IGSF10: variants seen among roughly 807,000 people sequenced by gnomAD.
IGSF10 encodes the protein immunoglobulin superfamily member 10.
IGSF10 carries 126 observed loss-of-function variants against 128.2 expected under a neutral mutation model. The ratio of observed to expected loss-of-function variants is 0.98; its 90% CI spans 0.85 to 1.14. IGSF10 has a LOEUF of 1.14. IGSF10 is among the 50% of genes most tolerant of loss of function. The pLI is 0.00. For synonymous variants in IGSF10, 1,185 were observed against 1,146.2 expected (o/e 1.03, Z -0.68); for missense variants, 3,295 against 3,149.8 (o/e 1.05, Z -1.10).
At chr3:151,525,267 C>T in the IGSF10 span, among the ~76,000 whole-genome samples, 1 of 151,708 alleles carries the variant, frequency 6.6e-6, no homozygotes, top group African/African-American at 2.4e-5. Context: ...GAGTAGTTTA[C>T]GGAAGTACAA....
the IGSF10 span, among the ~76,000 whole-genome samples, chr3:151,560,562 C>G: frequency 1.4e-4 from 22 of 152,066 alleles, no homozygotes; most frequent in African/African-American, 5.3e-4. Flanking sequence ...TTTTCCCACC[C>G]CTATAACGTC....
At chr3:151,510,015 G>T in the IGSF10 span, among the ~76,000 whole-genome samples, 1 of 152,214 alleles carries the variant, frequency 6.6e-6, no homozygotes, top group Non-Finnish European at 1.5e-5. Flanking sequence ...AGCTCAAGGA[G>T]GCCTGCCTGC....
At chr3:151,497,207 T>C in the IGSF10 span, among the ~76,000 whole-genome samples, 1 of 152,226 alleles carries the variant, frequency 6.6e-6, no homozygotes, top group Non-Finnish European at 1.5e-5. Flanking sequence ...ATTTTGGCTT[T>C]TGTTGCCATT....
chr3:151,461,219 A>T (rs926894533), upstream of IGSF10: 6 of 985,272 alleles, frequency 6.1e-6, no homozygotes, highest in Non-Finnish European at 7.2e-6. Flanking sequence ...TTAAATTCCC[A>T]GGGCTTTCTC....
At chr3:151,506,866 G>A in the IGSF10 span, among the ~76,000 whole-genome samples, 1 of 152,212 alleles carries the variant, frequency 6.6e-6, no homozygotes, top group Non-Finnish European at 1.5e-5. Context: ...AACGTTCTTT[G>A]TGAGAGCTAT....
the IGSF10 span, among the ~76,000 whole-genome samples, chr3:151,528,031 G>A: frequency 6.6e-6 from 1 of 152,102 alleles, no homozygotes; most frequent in Non-Finnish European, 1.5e-5. Context: ...AATATTTTAT[G>A]TTTTTAGCCT....
At chr3:151,450,916 A>AG (rs1721482895) in intron 5 of IGSF10, among the ~76,000 whole-genome samples, 1 of 151,086 alleles carries the variant, frequency 6.6e-6, no homozygotes, top group Non-Finnish European at 1.5e-5. Context: ...AAAAAAAAAA[A>AG]AAGAGTTGCC....
Position 151,437,406 on chromosome 3 carries a change from A to C in IGSF10, c.7155T>G (p.Ser2385Arg). 1 of 1,614,166 alleles carries C rather than the reference A, an allele frequency of 6.2e-7. No homozygotes were observed. Residue 2385 changes from serine (S) to arginine (R), a missense_variant, in exon 8 of 8, where the codon AGT becomes AGG. Physicochemically the swap from Ser to Arg is moderately radical, Grantham distance 110. Coordinates refer to ENST00000282466, the MANE Select transcript of IGSF10 (RefSeq NM_178822.5). ...CATTGCTTGCTATCAGATACTGATA[A>C]CTTTGTGGTCCATTGGAAAATCGTG... ...NGTRFSNGPQ[S>R]YQYLIASNGS...
the IGSF10 span, among the ~76,000 whole-genome samples, chr3:151,502,329 T>G: frequency 6.6e-6 from 1 of 152,164 alleles, no homozygotes; most frequent in African/African-American, 2.4e-5. Flanking sequence ...AGTAAAAATC[T>G]TAATGTTCTG....
chr3:151,473,853 CT>C, the IGSF10 span, among the ~76,000 whole-genome samples: 2 of 152,010 alleles, frequency 1.3e-5, no homozygotes, highest in African/African-American at 4.8e-5. Flanking sequence ...ATAGCTTCCC[CT>C]GAAAATTCTC....
At chr3:151,510,445 C>T in the IGSF10 span, among the ~76,000 whole-genome samples, 1,630 of 152,108 alleles carry the variant, frequency 0.011, 13 homozygotes, top group Middle Eastern at 0.031. Flanking sequence ...AGAAAGGACA[C>T]CCACACCAAA....
At chr3:151,451,712 T>G (rs1721516431) in intron 5 of IGSF10, among the ~76,000 whole-genome samples, 1 of 152,240 alleles carries the variant, frequency 6.6e-6, no homozygotes, top group African/African-American at 2.4e-5. Flanking sequence ...TTGTATCACA[T>G]GTATTGGTGC....
chr3:151,453,718 G>T lies in IGSF10; in HGVS notation c.381C>A (p.Gly127=). The change falls in exon 5 of 8, where the codon GGC becomes GGA. Residue 127 remains glycine (G), a synonymous_variant. Coordinates refer to ENST00000282466, the MANE Select transcript of IGSF10 (RefSeq NM_178822.5). The part of the protein sequence containing the change: ...VRKLQKDTFY[G]LRSLTRLHMD... ...TGTGCAATCGTGTCAAGCTCCTGAG[G>T]CCATAAAAAGTATCTTTCTGAAGTT... 1 of 1,599,932 alleles carries T rather than the reference G, an allele frequency of 6.3e-7. No homozygotes were observed. The highest frequency in any genetic ancestry group is 1.1e-5 in the South Asian group (1 of 88,574).
At position 151,436,919 on chromosome 3, in the gene IGSF10, G is replaced by T. The variant is rs1287763032; in HGVS notation, c.7642C>A (p.Leu2548Ile). ...IVTRTGAAFQ[L>I]HCVALGVPKP... ...GGAACTCCCAAGGCCACACAGTGGA[G>T]CTGAAAGGCTGCCCCTGTCCTGGTG... Residue 2548 changes from leucine (L) to isoleucine (I), a missense_variant, in exon 8 of 8, where the codon CTC (leucine) becomes ATC (isoleucine). Leu to Ile is a conservative substitution (Grantham distance 5). Coordinates refer to ENST00000282466, the MANE Select transcript of IGSF10 (RefSeq NM_178822.5). The T allele has an allele frequency of 1.9e-6, 3 of 1,614,170 alleles. No individual in the cohort carries two copies. In the East Asian group the frequency reaches 6.7e-5, roughly 36 times the overall value.
At position 151,453,705 on chromosome 3, in the gene IGSF10, T is replaced by C. The variant is rs1397911226; in HGVS notation, c.394A>G (p.Thr132Ala). The change falls in exon 5 of 8, where the codon ACA becomes GCA. Residue 132 changes from threonine to alanine, a missense_variant. Thr to Ala is a moderately conservative substitution (Grantham distance 58, BLOSUM62 0). Transcript: ENST00000282466. Reference sequence around the variant, plus strand: ...TTGTTGTGGTCCATGTGCAATCGTGTCAAGCTCCTGAGGCCATAAAAAGTA... The same window carrying C: ...TTGTTGTGGTCCATGTGCAATCGTGCCAAGCTCCTGAGGCCATAAAAAGTA... ...KDTFYGLRSLTRLHMDHNNIE... is the reference protein window; with the variant it reads ...KDTFYGLRSLARLHMDHNNIE... 2 of 1,610,770 alleles carry C rather than the reference T, an allele frequency of 1.2e-6. No individual in the cohort carries two copies. The highest frequency in any genetic ancestry group is 1.7e-6 in the Non-Finnish European group (2 of 1,177,546).
chr3:151,525,175 G>C, the IGSF10 span, among the ~76,000 whole-genome samples: 1 of 151,506 alleles, frequency 6.6e-6, no homozygotes, highest in African/African-American at 2.4e-5. Flanking sequence ...ACAGGCACCA[G>C]CCACCCTGCC....
the IGSF10 span, among the ~76,000 whole-genome samples, chr3:151,468,925 C>G: frequency 6.6e-6 from 1 of 152,090 alleles, no homozygotes; most frequent in African/African-American, 2.4e-5. Flanking sequence ...GTATGTTGTT[C>G]CCCTCCCTGT....
At chr3:151,617,320 C>CTCCT in the IGSF10 span, among the ~76,000 whole-genome samples, 168 of 83,602 alleles carry the variant, frequency 2.0e-3, 8 homozygotes, top group Admixed American at 8.6e-3. Context: ...CTTCTTCTTC[C>CTCCT]CCTCCTCCTC....
In IGSF10 at chr3:151,445,525, C is replaced by A; in HGVS notation, c.4456G>T (p.Val1486Phe). Residue 1486 changes from valine to phenylalanine, a missense_variant, in exon 6 of 8, where the codon GTT (valine) becomes TTT (phenylalanine). Physicochemically the swap from Val to Phe is conservative, Grantham distance 50. Coordinates refer to ENST00000282466, the MANE Select transcript of IGSF10 (RefSeq NM_178822.5). ...PISPPFTQRA[V>F]TDNVATPISG... Reference sequence around the variant, plus strand: ...ATGGGAGTCGCCACGTTGTCAGTAACTGCTCTCTGAGTAAAGGGAGGGGAG... The same window carrying A: ...ATGGGAGTCGCCACGTTGTCAGTAAATGCTCTCTGAGTAAAGGGAGGGGAG... The A allele has an allele frequency of 2.5e-6, 4 of 1,614,210 alleles. No homozygotes were observed. The highest frequency in any genetic ancestry group is 3.4e-6 in the Non-Finnish European group (4 of 1,180,048).
Sources: allele counts gnomAD v4.1 joint callset (sites outside exome capture counted in the v4.1 genomes callset), GRCh38; gene constraint gnomAD v4.1.1; transcripts MANE v1.5; gene names NCBI Gene and HGNC (gene_info 2026-07-23, HGNC 2026-07-21).